Variants in EDAR observed in about 807,000 individuals in gnomAD.
EDAR encodes the protein tumor necrosis factor receptor superfamily member EDAR.
A neutral mutation model predicts 51.3 loss-of-function variants in EDAR; 38 were observed. That is an observed-to-expected ratio of 0.74 (90% confidence interval 0.57 to 0.97). The LOEUF is 0.97. EDAR is among the 50% of genes least tolerant of loss of function. EDAR has a pLI of 0.00. For synonymous variants in EDAR, 227 were observed against 242.1 expected, an observed-to-expected ratio of 0.94 and a Z score of 0.58; for missense variants, 528 against 595.0, an observed-to-expected ratio of 0.89 and a Z score of 1.17.
chr2:108,904,971 G>A (rs922639473), intron 11 of EDAR, among the ~76,000 whole-genome samples: 7 of 152,174 alleles, frequency 4.6e-5, no homozygotes, highest in African/African-American at 1.7e-4. Flanking sequence ...TGGGTAAAGG[G>A]CATGTAGGAT....
chr2:108,897,649 G>A (rs6542783), intron 11 of EDAR, among the ~76,000 whole-genome samples: 20,508 of 152,160 alleles, frequency 0.13, 2,466 homozygotes, highest in African/African-American at 0.32. Context: ...TCAACTTTGT[G>A]ATGGCTGCTC....
At chr2:108,932,368 A>C (rs534182123) in intron 1 of EDAR, among the ~76,000 whole-genome samples, 1 of 151,736 alleles carries the variant, frequency 6.6e-6, no homozygotes, top group South Asian at 2.1e-4. Flanking sequence ...CTCTACTAAA[A>C]ATACAAAAAA....
intron 1 of EDAR, among the ~76,000 whole-genome samples, chr2:108,967,756 G>A (rs1257833183): frequency 2.6e-5 from 4 of 152,054 alleles, no homozygotes; most frequent in Admixed American, 6.6e-5. Context: ...AAAACTAGAC[G>A]GTGGATTTCT....
chr2:108,934,341 G>A (rs1697427591), intron 1 of EDAR, among the ~76,000 whole-genome samples: 1 of 152,114 alleles, frequency 6.6e-6, no homozygotes, highest in African/African-American at 2.4e-5. Flanking sequence ...GGGGCTGACG[G>A]CTCCCAGTCG....
At chr2:108,942,092 TG>T (rs1697610703) in intron 1 of EDAR, among the ~76,000 whole-genome samples, 1 of 152,204 alleles carries the variant, frequency 6.6e-6, no homozygotes, top group Admixed American at 6.5e-5. Flanking sequence ...CCTGCAGGTG[TG>T]TGTGCTGGGG....
chr2:108,915,670 C>T (rs900008741), intron 5 of EDAR, among the ~76,000 whole-genome samples: 4 of 152,102 alleles, frequency 2.6e-5, no homozygotes, highest in East Asian at 1.9e-4. Context: ...GAGGCCGAGG[C>T]GGGAGGATCA....
chr2:108,965,881 C>T (rs370562389), intron 1 of EDAR, among the ~76,000 whole-genome samples: 1 of 151,962 alleles, frequency 6.6e-6, no homozygotes, highest in South Asian at 2.1e-4. Context: ...GTGCTCCCCC[C>T]TCTCCCCCCA....
At chr2:108,897,360 G>C in intron 11 of EDAR, 131 bp from the exon 12 acceptor site, 1 of 903,430 alleles carries the variant, frequency 1.1e-6, no homozygotes, top group African/African-American at 1.7e-5. Flanking sequence ...CATGCAGAAA[G>C]CCACCTAAAA....
intron 1 of EDAR, among the ~76,000 whole-genome samples, chr2:108,963,591 A>T (rs140628053): frequency 6.6e-6 from 1 of 152,318 alleles, no homozygotes; most frequent in Non-Finnish European, 1.5e-5. Context: ...CAATATAGTC[A>T]AGACAGAAGA....
chr2:108,979,200 G>A (rs976367589), intron 1 of EDAR, among the ~76,000 whole-genome samples: 3 of 152,166 alleles, frequency 2.0e-5, no homozygotes, highest in African/African-American at 7.2e-5. Flanking sequence ...TTAAGGAACA[G>A]CTCTTTCTTG....
chr2:108,940,694 C>T (rs1294877511), intron 1 of EDAR, among the ~76,000 whole-genome samples: 7 of 152,226 alleles, frequency 4.6e-5, no homozygotes, highest in East Asian at 1.9e-4. Flanking sequence ...AATTACAACA[C>T]GTCACACCAC....
intron 1 of EDAR, among the ~76,000 whole-genome samples, chr2:108,941,065 G>T (rs534883759): frequency 6.6e-5 from 10 of 152,118 alleles, no homozygotes; most frequent in Non-Finnish European, 1.2e-4. Flanking sequence ...AATTTAAACC[G>T]ATTTTGCCTG....
At chr2:108,897,378 A>T in intron 11 of EDAR, 149 bp from the exon 12 acceptor site, 1 of 783,116 alleles carries the variant, frequency 1.3e-6, no homozygotes, top group South Asian at 1.7e-5. Context: ...AAACAAATGC[A>T]TAACTTAAGG....
In EDAR at chr2:108,957,238, C is replaced by T. The variant is rs1337583704; in HGVS notation, c.-18-26206G>A. On this transcript the variant is annotated intron_variant, in intron 1 of 11. Transcript: ENST00000258443. ...GCATCTCCACCAAATTTCTGGTGGG[C>T]TCCCAGGTGGCTGTTCACCTTCGCT... Among the ~76,000 whole-genome samples the T allele has an allele frequency of 4.6e-5, 7 of 152,372 alleles. No individual in the cohort carries two copies. In the East Asian group the frequency reaches 5.8e-4, roughly 13 times the overall value.
chr2:108,923,635 T>G (rs555333048), intron 4 of EDAR, among the ~76,000 whole-genome samples, 182 bp from the exon 5 acceptor site: 2 of 152,246 alleles, frequency 1.3e-5, no homozygotes, highest in Admixed American at 6.5e-5. Context: ...TGTCTTGAAA[T>G]GGAGCATTCT....
At chr2:108,979,636 C>T (rs1698388844) in intron 1 of EDAR, among the ~76,000 whole-genome samples, 1 of 152,046 alleles carries the variant, frequency 6.6e-6, no homozygotes. Context: ...GAAGAGAAGC[C>T]CCTCCTGCCT....
chr2:108,910,669 G>C (rs1191849054), intron 8 of EDAR, 107 bp downstream of exon 8: 5 of 1,440,644 alleles, frequency 3.5e-6, no homozygotes, highest in African/African-American at 2.8e-5. Context: ...AGCACAGTAT[G>C]GTTCAGCATG....
At chr2:108,907,834 C>A in intron 10 of EDAR, 26 bp downstream of exon 10, 2 of 1,613,106 alleles carry the variant, frequency 1.2e-6, no homozygotes, top group South Asian at 2.2e-5. Context: ...TCTCACAGCT[C>A]ATCATGGCAC....
chr2:108,932,528 C>CAAAAAAAAAAAAAAAAAA (rs1171012818), intron 1 of EDAR, among the ~76,000 whole-genome samples: 4 of 39,158 alleles, frequency 1.0e-4, no homozygotes, highest in African/African-American at 4.0e-4. Context: ...GACTCTGTCT[C>CAAAAAAAAAAAAAAAAAA]AAAAAAAAAA....
Sources: gnomAD v4.1 joint callset for allele counts (sites outside exome capture counted in the v4.1 genomes callset) on GRCh38, gnomAD v4.1.1 for gene constraint, MANE v1.5 for transcripts, NCBI Gene and HGNC (gene_info 2026-07-23, HGNC 2026-07-21) for gene names.